Variants in CHN1 observed in about 807,000 individuals in gnomAD.
CHN1 encodes the protein chimerin 1, also known as N-chimaerin.
A neutral mutation model predicts 59.5 loss-of-function variants in CHN1; 37 were observed. The ratio of observed to expected loss-of-function variants is 0.62; its 90% CI spans 0.48 to 0.82. The LOEUF (loss-of-function observed/expected upper bound fraction) is 0.82, where lower values mean the gene tolerates loss of function less well. Ranked by LOEUF, CHN1 falls within the 40% of genes least tolerant of loss-of-function variation. The pLI is 0.00. For synonymous variants in CHN1, 206 were observed against 200.4 expected (o/e 1.03, Z -0.24); for missense variants, 469 against 571.0 (o/e 0.82, Z 1.82).
At chr2:174,826,979 G>A (rs1046851999) in intron 7 of CHN1, among the ~76,000 whole-genome samples, 4 of 151,994 alleles carry the variant, frequency 2.6e-5, no homozygotes, top group African/African-American at 9.7e-5. Flanking sequence ...AGCTTATGTA[G>A]CTCTCCATGA....
chr2:174,876,322 T>C (rs1687564077), intron 6 of CHN1, among the ~76,000 whole-genome samples: 1 of 152,184 alleles, frequency 6.6e-6, no homozygotes, highest in Non-Finnish European at 1.5e-5. Context: ...TTTGAAAGAC[T>C]CACATGTACA....
At chr2:174,919,186 C>T (rs1688933396) in intron 3 of CHN1, among the ~76,000 whole-genome samples, 1 of 152,068 alleles carries the variant, frequency 6.6e-6, no homozygotes, top group Non-Finnish European at 1.5e-5. Flanking sequence ...CTGTATAAGA[C>T]CAAAATTCTT....
intron 1 of CHN1, among the ~76,000 whole-genome samples, chr2:174,981,903 G>A (rs550871563): frequency 1.6e-4 from 25 of 152,028 alleles, no homozygotes; most frequent in South Asian, 1.3e-3. Flanking sequence ...CCATTAACTC[G>A]TCATTAAACA....
intron 3 of CHN1, among the ~76,000 whole-genome samples, chr2:174,924,126 A>G (rs1314469158): frequency 6.6e-6 from 1 of 152,070 alleles, no homozygotes; most frequent in Admixed American, 6.6e-5. Context: ...CACTTTCTGT[A>G]CTCCTCCTTT....
intron 8 of CHN1, among the ~76,000 whole-genome samples, chr2:174,816,790 T>C (rs564448121): frequency 1.2e-3 from 190 of 152,270 alleles, no homozygotes; most frequent in African/African-American, 4.4e-3. Context: ...TGTCCAGAAC[T>C]GGAAGAACTC....
At chr2:174,945,931 G>A (rs2054138) in intron 2 of CHN1, among the ~76,000 whole-genome samples, 67,847 of 148,716 alleles carry the variant, frequency 0.46, 16,220 homozygotes, top group African/African-American at 0.6. Flanking sequence ...GTGTGTGTGT[G>A]TATATATATA....
At chr2:174,819,933 C>T (rs1178993017) in intron 8 of CHN1, among the ~76,000 whole-genome samples, 16 of 149,352 alleles carry the variant, frequency 1.1e-4, no homozygotes, top group East Asian at 6.0e-4. Flanking sequence ...TTTGTCCTTG[C>T]GATAGTTTAC....
rs143281282 is a variant in CHN1 at position 174,891,250 on chromosome 2, A to C, written c.261-13122T>G. Among the ~76,000 whole-genome samples the C allele has an allele frequency of 2.0e-3, 302 of 152,076 alleles. 1 individual carries two copies. Among genetic ancestry groups the C allele is most frequent in the African/African-American group, 7.0e-3 (292 of 41,524 alleles). ...AAAACTATGGGTCAAAGAAGAAATC[A>C]CAAGGAAAACTAGAAAATATCTTGA... On this transcript the variant is annotated intron_variant, in intron 5 of 12. Coordinates refer to ENST00000409900, the MANE Select transcript of CHN1 (RefSeq NM_001822.7).
At chr2:174,906,525 T>C (rs1688548686) in intron 5 of CHN1, among the ~76,000 whole-genome samples, 1 of 152,188 alleles carries the variant, frequency 6.6e-6, no homozygotes, top group South Asian at 2.1e-4. Context: ...ATTGATTATG[T>C]CATAATTTTG....
At chr2:174,904,132 G>A (rs1574147337) in intron 5 of CHN1, among the ~76,000 whole-genome samples, 2 of 151,834 alleles carry the variant, frequency 1.3e-5, no homozygotes, top group East Asian at 2.0e-4. Context: ...GCATGGTGGT[G>A]CATGCCTGTA....
chr2:174,996,636 A>T (rs988643160), intron 1 of CHN1, among the ~76,000 whole-genome samples: 5 of 152,194 alleles, frequency 3.3e-5, no homozygotes, highest in Admixed American at 6.5e-5. Context: ...CCACTACACT[A>T]CATGCTACGA....
At chr2:174,957,881 G>A (rs1258657978) in intron 1 of CHN1, among the ~76,000 whole-genome samples, 1 of 152,136 alleles carries the variant, frequency 6.6e-6, no homozygotes, top group East Asian at 1.9e-4. Flanking sequence ...TGGGTCACTG[G>A]TATCAGTTAA....
intron 6 of CHN1, among the ~76,000 whole-genome samples, chr2:174,853,902 G>T (rs552429471): frequency 2.0e-5 from 3 of 152,184 alleles, no homozygotes; most frequent in African/African-American, 7.2e-5. Context: ...GAGCATGCAC[G>T]AACATAAACT....
intron 3 of CHN1, among the ~76,000 whole-genome samples, 152 bp downstream of exon 3, chr2:174,944,736 A>T (rs891409379): frequency 2.0e-5 from 3 of 152,238 alleles, no homozygotes; most frequent in African/African-American, 7.2e-5. Context: ...AATGAGAAGG[A>T]TATTAAGAAA....
At chr2:174,921,568 A>G (rs906502353) in intron 3 of CHN1, among the ~76,000 whole-genome samples, 21 of 152,178 alleles carry the variant, frequency 1.4e-4, no homozygotes, top group Non-Finnish European at 2.5e-4. Context: ...GTATTAGTCC[A>G]TCCTCACACT....
At chr2:174,847,413 T>C (rs1404191643) in intron 6 of CHN1, 2 of 1,215,296 alleles carry the variant, frequency 1.6e-6, no homozygotes, top group African/African-American at 1.5e-5. Context: ...GAGTCGATGC[T>C]AACATACAAA....
At chr2:174,947,474 CT>C (rs1025986409) in intron 2 of CHN1, among the ~76,000 whole-genome samples, 26 of 143,772 alleles carry the variant, frequency 1.8e-4, no homozygotes, top group East Asian at 4.0e-4. Flanking sequence ...CTTTAAGACT[CT>C]TTTTTTTTTT....
intron 8 of CHN1, among the ~76,000 whole-genome samples, chr2:174,813,712 A>G (rs1297486080): frequency 6.6e-6 from 1 of 152,220 alleles, no homozygotes; most frequent in East Asian, 1.9e-4. Context: ...AGTTCATAAA[A>G]ACTTTATGTT....
intron 5 of CHN1, among the ~76,000 whole-genome samples, chr2:174,910,523 TTTG>T (rs1688664072): frequency 6.6e-6 from 1 of 152,126 alleles, no homozygotes; most frequent in African/African-American, 2.4e-5. Context: ...TTGCATTATT[TTTG>T]TTAAGGCAGG....
Sources: gnomAD v4.1 joint callset for allele counts (sites outside exome capture counted in the v4.1 genomes callset) on GRCh38, gnomAD v4.1.1 for gene constraint, MANE v1.5 for transcripts, NCBI Gene and HGNC (gene_info 2026-07-23, HGNC 2026-07-21) for gene names.